The following CTNNA2 variants were observed in gnomAD, a reference collection of about 807,000 sequenced individuals.
CTNNA2 encodes catenin alpha-2.
In CTNNA2, 42 loss-of-function variants were observed where a neutral mutation model predicts 101.0. That is an observed-to-expected ratio of 0.42 (90% CI 0.32 to 0.54). The LOEUF (loss-of-function observed/expected upper bound fraction) is 0.54. CTNNA2 is among the 20% of genes least tolerant of loss of function. The probability of loss-of-function intolerance (pLI) is 0.14; values close to 1 mark genes in which losing one functional copy is unlikely to be tolerated. For missense variants in CTNNA2, 871 were observed against 1,223.1 expected, an observed-to-expected ratio of 0.71 and a Z score of 4.29; for synonymous variants, 450 against 456.4, an observed-to-expected ratio of 0.99 and a Z score of 0.18.
At chr2:79,219,182 C>A (rs1000211782) in intron 2 of CTNNA2, among the ~76,000 whole-genome samples, 3 of 152,140 alleles carry the variant, frequency 2.0e-5, no homozygotes, top group African/African-American at 7.2e-5. Flanking sequence ...TGTAATATTT[C>A]ATTATATCAT....
intron 6 of CTNNA2, among the ~76,000 whole-genome samples, chr2:79,907,224 T>C (rs1685483452): frequency 6.6e-6 from 1 of 152,188 alleles, no homozygotes; most frequent in Non-Finnish European, 1.5e-5. Flanking sequence ...AAAATAGGTC[T>C]TTGAAAATCA....
At chr2:79,640,713 G>A (rs1263755189) in intron 1 of CTNNA2, among the ~76,000 whole-genome samples, 1 of 152,100 alleles carries the variant, frequency 6.6e-6, no homozygotes, top group Non-Finnish European at 1.5e-5. Context: ...TACTTGAAAA[G>A]TACAAATAAA....
intron 3 of CTNNA2, among the ~76,000 whole-genome samples, chr2:79,333,491 A>G (rs1193087957): frequency 2.6e-5 from 4 of 152,198 alleles, no homozygotes; most frequent in African/African-American, 9.6e-5. Context: ...AAAACTAAGC[A>G]TTAGAATTAA....
At chr2:80,527,939 G>T (rs1262259730) in intron 9 of CTNNA2, among the ~76,000 whole-genome samples, 1 of 152,234 alleles carries the variant, frequency 6.6e-6, no homozygotes, top group East Asian at 1.9e-4. Context: ...TATGAGTGTG[G>T]GTCCCAGGCA....
intron 18 of CTNNA2, among the ~76,000 whole-genome samples, chr2:80,623,070 T>TAAAA (rs1671307816): frequency 8.3e-6 from 1 of 120,750 alleles, no homozygotes; most frequent in African/African-American, 2.8e-5. Context: ...AAAAAAAAGT[T>TAAAA]CAAGCAGAAG....
chr2:79,380,821 T>C (rs907615613), intron 4 of CTNNA2, among the ~76,000 whole-genome samples: 1 of 152,202 alleles, frequency 6.6e-6, no homozygotes, highest in Non-Finnish European at 1.5e-5. Flanking sequence ...CAAAATTTTC[T>C]TCTGCTATAA....
intron 17 of CTNNA2, among the ~76,000 whole-genome samples, chr2:80,608,706 G>T (rs1698225278): frequency 6.6e-6 from 1 of 151,756 alleles, no homozygotes; most frequent in South Asian, 2.1e-4. Flanking sequence ...TCTATGTGTG[G>T]ATTGTGTTCA....
At chr2:80,259,312 A>G (rs1022982316) in intron 7 of CTNNA2, among the ~76,000 whole-genome samples, 1 of 152,170 alleles carries the variant, frequency 6.6e-6, no homozygotes, top group Non-Finnish European at 1.5e-5. Flanking sequence ...GGATGCAAGC[A>G]GAGCACCAAG....
At chr2:79,826,675 T>A (rs2105403148) in intron 3 of CTNNA2, among the ~76,000 whole-genome samples, 1 of 152,308 alleles carries the variant, frequency 6.6e-6, no homozygotes, top group Non-Finnish European at 1.5e-5. Context: ...TATGAGAAGT[T>A]TATTAGATAA....
At chr2:80,220,907 A>T (rs1708535519) in intron 7 of CTNNA2, among the ~76,000 whole-genome samples, 1 of 152,138 alleles carries the variant, frequency 6.6e-6, no homozygotes, top group African/African-American at 2.4e-5. Context: ...TCTGAGACAG[A>T]GTCTCACTCT....
chr2:79,424,502 C>T (rs574999596), intron 4 of CTNNA2, among the ~76,000 whole-genome samples: 17 of 152,148 alleles, frequency 1.1e-4, no homozygotes, highest in African/African-American at 3.4e-4. Context: ...ATGGGCACAC[C>T]GTTAGTGGTT....
At chr2:80,167,111 G>GTA (rs968952034) in intron 7 of CTNNA2, among the ~76,000 whole-genome samples, 17 of 151,524 alleles carry the variant, frequency 1.1e-4, no homozygotes, top group South Asian at 2.1e-4. Flanking sequence ...GGAAAAAAAA[G>GTA]TATATATATA....
At chr2:80,134,871 T>G (rs1197880572) in intron 7 of CTNNA2, among the ~76,000 whole-genome samples, 1 of 152,230 alleles carries the variant, frequency 6.6e-6, no homozygotes, top group Non-Finnish European at 1.5e-5. Context: ...TATTTGTTTA[T>G]CTGCTTTCTA....
chr2:79,219,256 G>A (rs1383179381), intron 2 of CTNNA2, among the ~76,000 whole-genome samples: 2 of 152,062 alleles, frequency 1.3e-5, no homozygotes, highest in Admixed American at 6.6e-5. Flanking sequence ...CATTTGTTCA[G>A]TGTTATAAAT....
intron 7 of CTNNA2, among the ~76,000 whole-genome samples, chr2:80,224,177 A>T (rs1573441761): frequency 6.6e-6 from 1 of 152,084 alleles, no homozygotes. Context: ...AAAGAAGGAC[A>T]CTCTCAACTG....
At position 80,648,051 on chromosome 2, in the gene CTNNA2, C is replaced by CTGGGAAGGAGACAGGACATTCCTGTACT. The variant is rs1674298087; in HGVS notation, c.*180_*207dup. On this transcript the variant is annotated 3_prime_UTR_variant, in exon 19 of 19. Transcript: ENST00000402739. ...TCAATACTACTGATCCATCTGTAGC[C>CTGGGAAGGAGACAGGACATTCCTGTACT]TGGGAAGGAGACAGGACATTCCTGT... 1 of 560,242 alleles carries CTGGGAAGGAGACAGGACATTCCTGTACT rather than the reference C, an allele frequency of 1.8e-6. No homozygotes were observed. Among genetic ancestry groups the CTGGGAAGGAGACAGGACATTCCTGTACT allele is most frequent in the Non-Finnish European group, 3.1e-6 (1 of 327,492 alleles). 34.7% of individuals were successfully genotyped at this position (560,242 alleles called of 1,614,324 possible). A position where few individuals can be genotyped will look rare whatever the true frequency, so the allele number is the denominator to read the frequency against.
chr2:80,648,093 G>A lies in CTNNA2; in HGVS notation c.*221G>A, dbSNP rs1158974922. The A allele has an allele frequency of 6.3e-5, 24 of 378,852 alleles. No homozygotes were observed. 23.5% of individuals were successfully genotyped at this position (378,852 alleles called of 1,614,324 possible). A position where few individuals can be genotyped will look rare whatever the true frequency, so the allele number is the denominator to read the frequency against. Reference sequence around the variant, plus strand: ...CATTCCTGTACTAAGGTGGCACAGAGCTGTCCTTTGCAACATTCTCATAAA... The same window carrying A: ...CATTCCTGTACTAAGGTGGCACAGAACTGTCCTTTGCAACATTCTCATAAA... On this transcript the variant is annotated 3_prime_UTR_variant, in exon 19 of 19. Coordinates refer to ENST00000402739, the MANE Select transcript of CTNNA2 (RefSeq NM_001282597.3).
intron 1 of CTNNA2, among the ~76,000 whole-genome samples, chr2:79,615,007 AC>A (rs1678523336): frequency 6.6e-6 from 1 of 152,118 alleles, no homozygotes; most frequent in African/African-American, 2.4e-5. Flanking sequence ...AACTTATGAG[AC>A]TCATTAACCA....
chr2:80,144,490 G>T (rs1275803271), intron 7 of CTNNA2, among the ~76,000 whole-genome samples: 3 of 152,178 alleles, frequency 2.0e-5, no homozygotes, highest in Admixed American at 2.0e-4. Flanking sequence ...TTTCACAGCA[G>T]TATATTTCTG....
Sources: gnomAD v4.1 joint callset for allele counts (sites outside exome capture counted in the v4.1 genomes callset) on GRCh38, gnomAD v4.1.1 for gene constraint, MANE v1.5 for transcripts, NCBI Gene and HGNC (gene_info 2026-07-23, HGNC 2026-07-21) for gene names.